The following CUX1 variants were observed in gnomAD, a reference collection of about 807,000 sequenced individuals.
CUX1 encodes protein CASP.
Under a neutral mutation model 158.8 loss-of-function variants are expected in CUX1, and 31 were observed. The ratio of observed to expected loss-of-function variants is 0.20; its 90% confidence interval spans 0.15 to 0.26. CUX1 has a LOEUF of 0.26. Among genes scored for constraint, CUX1 ranks in the 10% least tolerant of loss-of-function variants. The pLI is 1.00. For synonymous variants in CUX1, 879 were observed against 862.1 expected (o/e 1.02, Z -0.34); for missense variants, 1,589 against 2,014.6 (o/e 0.79, Z 4.04).
At chr7:102,216,795 C>CCCA (rs1237673814) in intron 20 of CUX1, among the ~76,000 whole-genome samples, 1 of 44,382 alleles carries the variant, frequency 2.3e-5, no homozygotes, top group Non-Finnish European at 6.2e-5. Flanking sequence ...CACACACTCT[C>CCCA]CCACACACAC....
At chr7:102,159,209 G>T (rs1303871271) in intron 9 of CUX1, among the ~76,000 whole-genome samples, 4 of 151,580 alleles carry the variant, frequency 2.6e-5, no homozygotes, top group African/African-American at 9.7e-5. Flanking sequence ...TCTCACCACG[G>T]TGTTATCCTA....
chr7:102,225,289 C>T (rs1223972326), intron 20 of CUX1, among the ~76,000 whole-genome samples: 1 of 152,144 alleles, frequency 6.6e-6, no homozygotes, highest in Non-Finnish European at 1.5e-5. Context: ...GGACGATAAA[C>T]GGGTTGATCG....
At chr7:102,098,807 A>ATTT (rs112048598) in intron 5 of CUX1, among the ~76,000 whole-genome samples, 8 of 68,000 alleles carry the variant, frequency 1.2e-4, no homozygotes, top group Admixed American at 4.0e-4. Flanking sequence ...CGCCCAACTA[A>ATTT]TTTTTTTTTT....
chr7:102,179,671 T>C (rs559222548), intron 11 of CUX1, among the ~76,000 whole-genome samples: 1 of 152,362 alleles, frequency 6.6e-6, no homozygotes, highest in Admixed American at 6.5e-5. Context: ...TTATGATCCG[T>C]TGAAGCAAGT....
chr7:102,065,707 A>G (rs536002204), intron 3 of CUX1, among the ~76,000 whole-genome samples: 2 of 152,262 alleles, frequency 1.3e-5, no homozygotes, highest in South Asian at 4.1e-4. Context: ...TCCCTGTGAT[A>G]CAGCTCTGAT....
rs1554520507 is a variant in CUX1, at chr7:102,204,381, G to A, written c.2908-10G>A. On this transcript the variant is annotated splice_polypyrimidine_tract_variant and intron_variant, in intron 18 of 23. Transcript: ENST00000292535. ...GGCACTGATGGCCTGTGTGTTCGGTGCCACTCCAGGTGCTGGGCCTGTCCC... is the reference window on the plus strand; with the variant it reads ...GGCACTGATGGCCTGTGTGTTCGGTACCACTCCAGGTGCTGGGCCTGTCCC... The A allele has an allele frequency of 1.2e-6, 2 of 1,613,006 alleles. No individual in the cohort carries two copies. Among genetic ancestry groups the A allele is most frequent in the East Asian group, 2.2e-5 (1 of 44,884 alleles).
Position 102,248,969 on chromosome 7 carries a change from C to T in CUX1, c.4445C>T (p.Ala1482Val). The T allele has an allele frequency of 1.4e-6, 2 of 1,474,862 alleles. No homozygotes were observed. Among genetic ancestry groups the T allele is most frequent in the South Asian group, 1.3e-5 (1 of 78,912 alleles). The allele number at this position is 1,474,862 out of a possible 1,614,324, so 91.4% of individuals were successfully genotyped here. Residue 1482 changes from alanine (A) to valine (V), a missense_variant, in exon 24 of 24, where the codon GCG becomes GTG. Physicochemically the swap from Ala to Val is moderately conservative, Grantham distance 64 (BLOSUM62 0). Coordinates refer to ENST00000292535, the MANE Select transcript of CUX1 (RefSeq NM_181552.4). The surrounding 1 kb of genome is among the most constrained non-coding windows in gnomAD (Gnocchi z 5.8). ...RDNPLRKKKA[A>V]NLNSIIHRLE... ...AACCCCCTGCGCAAGAAGAAGGCCG[C>T]GAACTTGAACAGCATCATCCACCGC... is the stretch of plus-strand genomic sequence containing the variant.
intron 2 of CUX1, among the ~76,000 whole-genome samples, chr7:101,971,885 G>A (rs1811998780): frequency 6.6e-6 from 1 of 152,198 alleles, no homozygotes; most frequent in Non-Finnish European, 1.5e-5. Flanking sequence ...CCATTTTTAG[G>A]AGTGGATACA....
At chr7:102,074,975 C>CA (rs1338213742) in intron 4 of CUX1, among the ~76,000 whole-genome samples, 1 of 152,242 alleles carries the variant, frequency 6.6e-6, no homozygotes, top group African/African-American at 2.4e-5. Flanking sequence ...TCTCGTGCCT[C>CA]AGCCTCCCAA....
At chr7:101,956,593 A>G (rs1809811612) in intron 2 of CUX1, among the ~76,000 whole-genome samples, 1 of 152,204 alleles carries the variant, frequency 6.6e-6, no homozygotes, top group South Asian at 2.1e-4. Context: ...AGAATTTTGT[A>G]TTCCTTTGAC....
chr7:101,847,569 G>C (rs535754648), intron 1 of CUX1, among the ~76,000 whole-genome samples: 3 of 152,256 alleles, frequency 2.0e-5, no homozygotes, highest in Non-Finnish European at 4.4e-5. Context: ...GATTCTGTGA[G>C]ACTCAACGTA....
chr7:101,844,836 G>A (rs1271530786), intron 1 of CUX1, among the ~76,000 whole-genome samples: 3 of 151,834 alleles, frequency 2.0e-5, no homozygotes, highest in Non-Finnish European at 4.4e-5. Context: ...GGCTGGTCTC[G>A]AACTCCTGAC....
Position 102,249,439 on chromosome 7 carries a change from A to G in CUX1, c.*397A>G, listed in dbSNP as rs1218685723. Reference sequence around the variant, plus strand: ...CCCAATCTATGTCGTGTTTTCAAGGAAGAAAACGGAAATGTGTGGTCGAGC... The same window carrying G: ...CCCAATCTATGTCGTGTTTTCAAGGGAGAAAACGGAAATGTGTGGTCGAGC... On this transcript the variant is annotated 3_prime_UTR_variant, in exon 24 of 24. Transcript: ENST00000292535. 2 of 986,382 alleles carry G rather than the reference A, an allele frequency of 2.0e-6. No individual in the cohort carries two copies. The highest frequency in any genetic ancestry group is 3.5e-5 in the African/African-American group (2 of 57,280). 61.1% of individuals were successfully genotyped at this position (986,382 alleles called of 1,614,324 possible).
rs12668462 is a variant in CUX1 at position 102,048,354 on chromosome 7, C to T, written c.189+20209C>T. ...CCACCTGATGGGGTCACACACTTGT[C>T]CAGCCACCTGCACAGAAAAGCCTCA... On this transcript the variant is annotated intron_variant, in intron 3 of 23. Transcript: ENST00000292535. 7.7e-4 allele frequency among the ~76,000 whole-genome samples: 118 copies of T among 152,304 alleles called. No homozygotes were observed. In the East Asian group the frequency reaches 0.021, roughly 27 times the overall value.
At chr7:102,241,815 C>G (rs901124162) in intron 23 of CUX1, among the ~76,000 whole-genome samples, 1 of 152,218 alleles carries the variant, frequency 6.6e-6, no homozygotes, top group Non-Finnish European at 1.5e-5. Context: ...AGGACAAAAT[C>G]CAGGATTAGC....
At chr7:101,967,096 C>G (rs542452277) in intron 2 of CUX1, among the ~76,000 whole-genome samples, 11 of 152,100 alleles carry the variant, frequency 7.2e-5, no homozygotes, top group Non-Finnish European at 1.5e-4. Flanking sequence ...TTACTGCAAC[C>G]TCCACCTCCC....
At chr7:102,147,121 C>T (rs1056073741) in intron 8 of CUX1, among the ~76,000 whole-genome samples, 10 of 151,962 alleles carry the variant, frequency 6.6e-5, no homozygotes, top group Non-Finnish European at 1.0e-4. Flanking sequence ...CTTTCCAGGC[C>T]TTTGATTGGG....
chr7:101,950,158 C>T (rs919908665), intron 2 of CUX1, among the ~76,000 whole-genome samples: 10 of 151,900 alleles, frequency 6.6e-5, no homozygotes, highest in South Asian at 2.1e-4. Context: ...TACAGGCACC[C>T]GCCACCACAC....
chr7:101,877,462 G>A (rs71559435), intron 1 of CUX1, among the ~76,000 whole-genome samples: 11,798 of 152,246 alleles, frequency 0.077, 942 homozygotes, highest in East Asian at 0.43. Flanking sequence ...CAAGGAAGGC[G>A]GATCACTTGA....
Sources: gnomAD v4.1 joint callset for allele counts (sites outside exome capture counted in the v4.1 genomes callset) on GRCh38, gnomAD v4.1.1 for gene constraint, Gnocchi (gnomAD v3.1) non-coding constraint, MANE v1.5 for transcripts, NCBI Gene and HGNC (gene_info 2026-07-23, HGNC 2026-07-21) for gene names.